Variants in AGBL4 observed in about 807,000 individuals in gnomAD.
AGBL4 encodes the protein cytosolic carboxypeptidase 6.
AGBL4 carries 58 observed loss-of-function variants against 66.4 expected under a neutral mutation model. The ratio of observed to expected loss-of-function variants is 0.87; its 90% CI spans 0.71 to 1.09. The LOEUF is 1.09. AGBL4 is among the 50% of genes least tolerant of loss of function. The pLI, the probability that AGBL4 is intolerant of heterozygous loss-of-function variation, is 0.00. For synonymous variants in AGBL4, 234 were observed against 222.9 expected, an observed-to-expected ratio of 1.05 and a Z score of -0.44; for missense variants, 579 against 631.0, an observed-to-expected ratio of 0.92 and a Z score of 0.88.
intron 3 of AGBL4, among the ~76,000 whole-genome samples, chr1:49,564,587 G>A (rs1016535965): frequency 6.6e-6 from 1 of 152,146 alleles, no homozygotes; most frequent in Non-Finnish European, 1.5e-5. Flanking sequence ...TCAGGAGCAG[G>A]TTGTTCAGTT....
At chr1:48,762,670 A>G (rs115840745) in intron 6 of AGBL4, among the ~76,000 whole-genome samples, 95 of 136,896 alleles carry the variant, frequency 6.9e-4, no homozygotes, top group African/African-American at 2.6e-3. Context: ...ATGTATTTGC[A>G]TGTGTTAAAC....
chr1:49,087,141 A>G (rs1644923886), intron 4 of AGBL4, among the ~76,000 whole-genome samples: 1 of 152,208 alleles, frequency 6.6e-6, no homozygotes, highest in Non-Finnish European at 1.5e-5. Flanking sequence ...CAGATGAGAA[A>G]GAACTAGTGC....
intron 3 of AGBL4, among the ~76,000 whole-genome samples, chr1:49,302,341 C>G (rs531546944): frequency 2.6e-5 from 4 of 151,978 alleles, no homozygotes; most frequent in Non-Finnish European, 4.4e-5. Flanking sequence ...CAACCTCTGC[C>G]TCCCAGGTTG....
At chr1:49,852,789 G>A (rs976114741) in intron 1 of AGBL4, among the ~76,000 whole-genome samples, 15 of 151,990 alleles carry the variant, frequency 9.9e-5, no homozygotes, top group Non-Finnish European at 1.5e-4. Context: ...AACCTAGTCT[G>A]GAAATAAACT....
At chr1:49,055,714 T>C (rs997146192) in intron 4 of AGBL4, among the ~76,000 whole-genome samples, 1 of 152,126 alleles carries the variant, frequency 6.6e-6, no homozygotes, top group Non-Finnish European at 1.5e-5. Flanking sequence ...ATTACTTTGA[T>C]TTTAAGAAAA....
chr1:48,827,861 A>G (rs925423445), intron 6 of AGBL4, among the ~76,000 whole-genome samples: 1 of 152,070 alleles, frequency 6.6e-6, no homozygotes, highest in Non-Finnish European at 1.5e-5. Flanking sequence ...GCTAGTAAGT[A>G]TTGAAAATGG....
chr1:49,967,523 G>A (rs1192830229), intron 1 of AGBL4, among the ~76,000 whole-genome samples: 3 of 152,012 alleles, frequency 2.0e-5, no homozygotes, highest in Admixed American at 6.6e-5. Context: ...GGAGGTGGGG[G>A]GCTAGGGGAG....
At chr1:48,555,039 T>C (rs1010776150) in intron 11 of AGBL4, among the ~76,000 whole-genome samples, 4 of 152,024 alleles carry the variant, frequency 2.6e-5, no homozygotes, top group Non-Finnish European at 4.4e-5. Context: ...AGAGAAGACA[T>C]GTAAATAAAA....
intron 3 of AGBL4, among the ~76,000 whole-genome samples, chr1:49,533,701 G>C (rs1438764671): frequency 6.6e-6 from 1 of 152,116 alleles, no homozygotes; most frequent in Non-Finnish European, 1.5e-5. Context: ...ATGCCTTGCT[G>C]ACACATAATT....
chr1:49,774,574 G>C (rs920127749), intron 2 of AGBL4, among the ~76,000 whole-genome samples: 4 of 152,160 alleles, frequency 2.6e-5, no homozygotes, highest in Non-Finnish European at 4.4e-5. Context: ...TAAAAATTAA[G>C]AGATATGCCT....
Position 49,246,828 on chromosome 1 carries a change from A to C in AGBL4, c.283-964T>G, listed in dbSNP as rs1651681895. Among the ~76,000 whole-genome samples, 7 of 152,148 alleles carry C rather than the reference A, an allele frequency of 4.6e-5. No homozygotes were observed. In the South Asian group the frequency reaches 1.4e-3, roughly 32 times the overall value. On this transcript the variant is annotated intron_variant, in intron 3 of 13. Transcript: ENST00000371839. ...AGAAAAGATTTCAAGAGGTTACCAC[A>C]GGCTAGCCTTTCTTTCCAGGGACAG... is the stretch of plus-strand genomic sequence containing the variant.
intron 3 of AGBL4, among the ~76,000 whole-genome samples, chr1:49,597,776 T>C (rs1189960954): frequency 6.6e-6 from 1 of 152,182 alleles, no homozygotes; most frequent in East Asian, 1.9e-4. Flanking sequence ...ATTCTCTTTG[T>C]AGCAATTCTG....
intron 9 of AGBL4, among the ~76,000 whole-genome samples, chr1:48,631,398 T>C (rs530834117): frequency 6.6e-6 from 1 of 152,292 alleles, no homozygotes; most frequent in Non-Finnish European, 1.5e-5. Context: ...ATCATTATTA[T>C]TATACTTTTT....
At chr1:49,680,921 C>G (rs899248740) in intron 3 of AGBL4, among the ~76,000 whole-genome samples, 3 of 151,242 alleles carry the variant, frequency 2.0e-5, no homozygotes, top group African/African-American at 7.3e-5. Context: ...AAACTATTGT[C>G]CTCCTGTTGC....
At chr1:49,859,949 CA>C (rs1646528390) in intron 1 of AGBL4, among the ~76,000 whole-genome samples, 1 of 151,996 alleles carries the variant, frequency 6.6e-6, no homozygotes, top group Non-Finnish European at 1.5e-5. Context: ...TAGCAATAAG[CA>C]ATTGTAAATT....
intron 4 of AGBL4, among the ~76,000 whole-genome samples, chr1:49,244,843 A>C (rs1651512357): frequency 6.6e-6 from 1 of 151,882 alleles, no homozygotes; most frequent in African/African-American, 2.4e-5. Flanking sequence ...GTGATAGATG[A>C]ATAGGTTAAT....
At chr1:49,141,247 T>C in intron 4 of AGBL4, among the ~76,000 whole-genome samples, 1 of 152,194 alleles carries the variant, frequency 6.6e-6, no homozygotes, top group Non-Finnish European at 1.5e-5. Context: ...AGTAATATTT[T>C]ATGCATTCAT....
chr1:48,677,203 G>T lies in AGBL4; in HGVS notation c.635-13962C>A, dbSNP rs192892584. ...TACATCAAGCAAATAATTTTTCTCAGACACAGTCTTTTCCTTGGAACAGGA... is the reference window on the plus strand; with the variant it reads ...TACATCAAGCAAATAATTTTTCTCATACACAGTCTTTTCCTTGGAACAGGA... On this transcript the variant is annotated intron_variant, in intron 6 of 13. Coordinates refer to ENST00000371839, the MANE Select transcript of AGBL4 (RefSeq NM_032785.4). Among the ~76,000 whole-genome samples, 331 of 152,296 alleles carry T rather than the reference G, an allele frequency of 2.2e-3. 2 individuals are homozygous for T. The highest frequency in any genetic ancestry group is 7.7e-3 in the African/African-American group (320 of 41,568).
At chr1:49,498,444 C>T (rs1647813310) in intron 3 of AGBL4, among the ~76,000 whole-genome samples, 1 of 151,766 alleles carries the variant, frequency 6.6e-6, no homozygotes, top group South Asian at 2.1e-4. Flanking sequence ...TCTTTCTGTG[C>T]CTGGATTATT....
Sources: gnomAD v4.1 joint callset for allele counts (sites outside exome capture counted in the v4.1 genomes callset) on GRCh38, gnomAD v4.1.1 for gene constraint, MANE v1.5 for transcripts, NCBI Gene and HGNC (gene_info 2026-07-23, HGNC 2026-07-21) for gene names.